PRKAR1B: variants seen among roughly 807,000 people sequenced by gnomAD.
The protein encoded by PRKAR1B is protein kinase cAMP-dependent type I regulatory subunit beta, also known as cAMP-dependent protein kinase type I-beta regulatory subunit.
A neutral mutation model predicts 46.5 loss-of-function variants in PRKAR1B; 22 were observed. That is an observed-to-expected ratio of 0.47 (90% confidence interval 0.34 to 0.68). PRKAR1B has a LOEUF of 0.68. Among genes scored for constraint, PRKAR1B ranks in the 30% least tolerant of loss-of-function variants. The pLI is 0.01. For synonymous variants in PRKAR1B, 259 were observed against 217.7 expected, an observed-to-expected ratio of 1.19 and a Z score of -1.67; for missense variants, 445 against 535.6, an observed-to-expected ratio of 0.83 and a Z score of 1.67.
intron 4 of PRKAR1B, among the ~76,000 whole-genome samples, chr7:676,193 G>A (rs1786570733): frequency 6.6e-6 from 1 of 152,126 alleles, no homozygotes; most frequent in Non-Finnish European, 1.5e-5. Context: ...GGCATCAGAT[G>A]GAGACATTTT....
chr7:674,436 C>T (rs1419866237), intron 4 of PRKAR1B, among the ~76,000 whole-genome samples: 1 of 151,968 alleles, frequency 6.6e-6, no homozygotes, highest in Non-Finnish European at 1.5e-5. Context: ...TCTAGCCACA[C>T]CCAGATATTC....
At chr7:613,478 C>T (rs113779821) in intron 4 of PRKAR1B, among the ~76,000 whole-genome samples, 11,198 of 152,174 alleles carry the variant, frequency 0.074, 469 homozygotes, top group Middle Eastern at 0.1. Flanking sequence ...AAGCCCACAA[C>T]GTCTGAGGAA....
At position 727,099 on chromosome 7, in the gene PRKAR1B, G is replaced by A. The variant is rs1384237045; in HGVS notation, c.-23+111C>T. 4 of 1,074,696 alleles carry A rather than the reference G, an allele frequency of 3.7e-6. No homozygotes were observed. In the African/African-American group the frequency reaches 5.1e-5, roughly 14 times the overall value. The allele number at this position is 1,074,696 out of a possible 1,614,324, so 66.6% of individuals were successfully genotyped here. A position where few individuals can be genotyped will look rare whatever the true frequency, so the allele number is the denominator to read the frequency against. Reference sequence around the variant, plus strand: ...GCCCGCGCTCGCCGCGCGCTTGGCCGGCCCCGTGCCCGCGCGCCGCCCGCC... The same window carrying A: ...GCCCGCGCTCGCCGCGCGCTTGGCCAGCCCCGTGCCCGCGCGCCGCCCGCC... On this transcript the variant is annotated intron_variant, in intron 1 of 10. Transcript: ENST00000537384.
chr7:680,951 C>A (rs991849923), intron 2 of PRKAR1B, among the ~76,000 whole-genome samples: 1 of 152,126 alleles, frequency 6.6e-6, no homozygotes, highest in Non-Finnish European at 1.5e-5. Flanking sequence ...TTTGTGTCCC[C>A]CACCAAATCT....
chr7:645,377 G>A (rs1204677252), intron 4 of PRKAR1B, among the ~76,000 whole-genome samples: 5 of 152,180 alleles, frequency 3.3e-5, no homozygotes, highest in East Asian at 3.9e-4. Context: ...CTACTTGGGC[G>A]CAGTGGCTCA....
At chr7:648,090 G>A (rs547479401) in intron 4 of PRKAR1B, among the ~76,000 whole-genome samples, 2 of 151,556 alleles carry the variant, frequency 1.3e-5, no homozygotes, top group Admixed American at 6.6e-5. Context: ...AGGCTGCAGT[G>A]AGCTATGATC....
chr7:561,591 G>A (rs996145815), intron 9 of PRKAR1B, among the ~76,000 whole-genome samples: 9 of 152,138 alleles, frequency 5.9e-5, no homozygotes, highest in Admixed American at 2.0e-4. Context: ...CCACTTCCCC[G>A]CAATCATCCC....
intron 4 of PRKAR1B, among the ~76,000 whole-genome samples, chr7:648,393 C>G (rs1471324238): frequency 5.3e-5 from 8 of 152,018 alleles, no homozygotes; most frequent in Non-Finnish European, 1.0e-4. Context: ...AGGCAGATCA[C>G]CTGAGGTCAG....
chr7:689,008 G>A (rs1355374704), intron 2 of PRKAR1B, among the ~76,000 whole-genome samples: 1 of 152,226 alleles, frequency 6.6e-6, no homozygotes, highest in East Asian at 1.9e-4. Flanking sequence ...CCCCCCAGGG[G>A]AAGCAAATCA....
chr7:634,992 T>C (rs1391020079), intron 4 of PRKAR1B, among the ~76,000 whole-genome samples: 1 of 152,160 alleles, frequency 6.6e-6, no homozygotes, highest in Non-Finnish European at 1.5e-5. Context: ...AATAACAGTA[T>C]GCGAATGTAG....
intron 4 of PRKAR1B, among the ~76,000 whole-genome samples, chr7:658,153 G>A (rs1785309205): frequency 6.6e-6 from 1 of 152,096 alleles, no homozygotes; most frequent in Non-Finnish European, 1.5e-5. Flanking sequence ...TAGCAACTTG[G>A]CGGGGTCCGG....
chr7:638,029 C>T (rs1784213790), intron 4 of PRKAR1B, among the ~76,000 whole-genome samples: 1 of 152,158 alleles, frequency 6.6e-6, no homozygotes, highest in Non-Finnish European at 1.5e-5. Flanking sequence ...TCATCCTGCC[C>T]CGCCGGCGGA....
At chr7:614,576 G>A (rs1237086986) in intron 4 of PRKAR1B, among the ~76,000 whole-genome samples, 1 of 152,052 alleles carries the variant, frequency 6.6e-6, no homozygotes, top group Non-Finnish European at 1.5e-5. Flanking sequence ...GACCAGCTTG[G>A]GCAGCATAAC....
chr7:552,335 C>T (rs1784284119), intron 9 of PRKAR1B, among the ~76,000 whole-genome samples: 1 of 126,420 alleles, frequency 7.9e-6, no homozygotes, highest in Non-Finnish European at 1.6e-5. Context: ...TCCCGCAGAG[C>T]CACTGCCACC....
chr7:579,446 G>C, intron 8 of PRKAR1B, 69 bp from the exon 9 acceptor site: 1 of 1,588,736 alleles, frequency 6.3e-7, no homozygotes. Context: ...CAAGACAAGG[G>C]CCACCGCTCT....
At chr7:717,891 C>T (rs1170536941) in intron 1 of PRKAR1B, among the ~76,000 whole-genome samples, 1 of 152,060 alleles carries the variant, frequency 6.6e-6, no homozygotes, top group East Asian at 1.9e-4. Context: ...TCCTGAGGCT[C>T]ACCCCTGCCC....
rs565952575 is a variant in PRKAR1B at position 719,504 on chromosome 7, C to T, written c.-23+7706G>A. Among the ~76,000 whole-genome samples the T allele has an allele frequency of 1.2e-4, 18 of 152,226 alleles. 1 individual carries two copies. The South Asian group carries it at 1.9e-3, about 16-fold the overall frequency. On this transcript the variant is annotated intron_variant, in intron 1 of 10. Coordinates refer to ENST00000537384, the MANE Select transcript of PRKAR1B (RefSeq NM_001164760.2). ...AAGTTTTAATATTTCTTTGTAGCGA[C>T]GAGGTGTCACTATTTGGCCCAGGTG... is the stretch of plus-strand genomic sequence containing the variant.
chr7:632,489 A>G (rs1583328568), intron 4 of PRKAR1B, among the ~76,000 whole-genome samples: 1 of 152,172 alleles, frequency 6.6e-6, no homozygotes, highest in African/African-American at 2.4e-5. Flanking sequence ...GCGTCTGAAG[A>G]CCACCAGTGT....
At position 665,330 on chromosome 7, in the gene PRKAR1B, G is replaced by C. The variant is rs1339559280; in HGVS notation, c.440+11899C>G. Among the ~76,000 whole-genome samples, 3 of 152,316 alleles carry C rather than the reference G, an allele frequency of 2.0e-5. No individual in the cohort carries two copies. In the East Asian group the frequency reaches 5.8e-4, roughly 29 times the overall value. ...AAAGTCCCAGCTTCTACTCCAAGCT[G>C]GGTGGCCCGACGCAGCCTGCTTAAC... On this transcript the variant is annotated intron_variant, in intron 4 of 10. Coordinates refer to ENST00000537384, the MANE Select transcript of PRKAR1B (RefSeq NM_001164760.2).
Sources: allele counts gnomAD v4.1 joint callset (sites outside exome capture counted in the v4.1 genomes callset), GRCh38; gene constraint gnomAD v4.1.1; transcripts MANE v1.5; gene names NCBI Gene and HGNC (gene_info 2026-07-23, HGNC 2026-07-21).